The following TMEM71 variants were observed in gnomAD, a reference collection of about 807,000 sequenced individuals.
TMEM71 encodes transmembrane protein 71.
In TMEM71, 44 loss-of-function variants were observed where a neutral mutation model predicts 38.0. The ratio of observed to expected loss-of-function variants is 1.16; its 90% confidence interval spans 0.91 to 1.49. The LOEUF (loss-of-function observed/expected upper bound fraction) is 1.49, where lower values mean the gene tolerates loss of function less well. Among genes scored for constraint, TMEM71 ranks in the 40% most tolerant of loss-of-function variants. The pLI is 0.00. For synonymous variants in TMEM71, 133 were observed against 122.5 expected (o/e 1.09, Z -0.56); for missense variants, 367 against 348.6 (o/e 1.05, Z -0.42).
At chr8:132,746,452 C>CATATACAT (rs1563753785) in intron 5 of TMEM71, among the ~76,000 whole-genome samples, 1 of 17,924 alleles carries the variant, frequency 5.6e-5, no homozygotes, top group Non-Finnish European at 1.5e-4. Context: ...TATACATATA[C>CATATACAT]ATATATATAT....
intron 4 of TMEM71, 48 bp downstream of exon 4, chr8:132,751,737 A>C: frequency 6.6e-7 from 1 of 1,519,304 alleles, no homozygotes; most frequent in Non-Finnish European, 9.1e-7. Flanking sequence ...TAAACAATTA[A>C]TGGATGGATT....
intron 9 of TMEM71, among the ~76,000 whole-genome samples, chr8:132,712,089 A>T (rs1431009747): frequency 6.6e-6 from 1 of 152,184 alleles, no homozygotes; most frequent in Non-Finnish European, 1.5e-5. Flanking sequence ...ATTAAATTTA[A>T]TGAATATGTA....
At chr8:132,727,679 C>A in intron 6 of TMEM71, 119 bp downstream of exon 6, 1 of 848,326 alleles carries the variant, frequency 1.2e-6, no homozygotes, top group Non-Finnish European at 1.8e-6. Flanking sequence ...CATGTCCTCC[C>A]TTCCTCGCAC....
rs1216072572 is a variant in TMEM71, at chr8:132,710,371, A to T, written c.*596T>A. 6.5e-6 allele frequency: 1 copy of T among 153,198 alleles called. No individual in the cohort carries two copies. The highest frequency in any genetic ancestry group is 1.5e-5 in the Non-Finnish European group (1 of 68,746). 9.5% of individuals were successfully genotyped at this position (153,198 alleles called of 1,614,324 possible). A position where few individuals can be genotyped will look rare whatever the true frequency, so the allele number is the denominator to read the frequency against. On this transcript the variant is annotated 3_prime_UTR_variant, in exon 10 of 10. Coordinates refer to ENST00000677595, the MANE Select transcript of TMEM71 (RefSeq NM_001382403.1). ...TGGTTCAAAAGAATATAACTTTCAG[A>T]AAATGCTTCTTTCCTGTCCATTTTC...
At chr8:132,720,040 T>A (rs1826754936) in intron 7 of TMEM71, among the ~76,000 whole-genome samples, 1 of 152,180 alleles carries the variant, frequency 6.6e-6, no homozygotes, top group Non-Finnish European at 1.5e-5. Flanking sequence ...CCTTAATTTT[T>A]TTTTTCTGCT....
intron 2 of TMEM71, chr8:132,758,293 T>C (rs945925938): frequency 6.5e-6 from 1 of 153,268 alleles, no homozygotes; most frequent in African/African-American, 2.4e-5. Context: ...TCAATAGTCC[T>C]AACAGACAAG....
At position 132,738,159 on chromosome 8, in the gene TMEM71, T is replaced by TA. The variant is rs397798789; in HGVS notation, c.487+8782dup. 5.3e-5 allele frequency among the ~76,000 whole-genome samples: 8 copies of TA among 151,832 alleles called. No homozygotes were observed. The East Asian group carries it at 7.7e-4, about 15-fold the overall frequency. ...CTCCCCATTCTATATGCTATTTTTT[T>TA]ATTTTATATATAAGAAGTAGAGGAT... is the stretch of plus-strand genomic sequence containing the variant. On this transcript the variant is annotated intron_variant, in intron 5 of 9. Coordinates refer to ENST00000677595, the MANE Select transcript of TMEM71 (RefSeq NM_001382403.1).
chr8:132,732,190 A>G (rs1157964086), intron 5 of TMEM71, among the ~76,000 whole-genome samples: 1 of 152,198 alleles, frequency 6.6e-6, no homozygotes, highest in Non-Finnish European at 1.5e-5. Context: ...CAAAGGCTGG[A>G]ACAAGTTATC....
the TMEM71 span, among the ~76,000 whole-genome samples, chr8:132,767,082 G>A: frequency 6.6e-6 from 1 of 152,176 alleles, no homozygotes; most frequent in African/African-American, 2.4e-5. Flanking sequence ...CAAAAGCCTT[G>A]TACCCTGTGA....
At chr8:132,769,932 A>T in the TMEM71 span, among the ~76,000 whole-genome samples, 1 of 152,248 alleles carries the variant, frequency 6.6e-6, no homozygotes, top group Non-Finnish European at 1.5e-5. Flanking sequence ...ATATTTCAGG[A>T]TGCCACTAAA....
the TMEM71 span, among the ~76,000 whole-genome samples, chr8:132,773,139 A>G: frequency 1.3e-5 from 2 of 152,184 alleles, no homozygotes. Flanking sequence ...ACCTGGGGCA[A>G]TTCTTCAAGG....
intron 5 of TMEM71, among the ~76,000 whole-genome samples, chr8:132,746,420 TATATATAC>T (rs1433270230): frequency 5.6e-5 from 1 of 17,862 alleles, no homozygotes; most frequent in Non-Finnish European, 1.7e-4. Context: ...TACACACACA[TATATATAC>T]ATATATATAT....
chr8:132,757,340 A>C (rs1211740765), intron 2 of TMEM71, 46 bp from the exon 3 acceptor site: 3 of 1,403,740 alleles, frequency 2.1e-6, no homozygotes, highest in Non-Finnish European at 3.0e-6. Context: ...ATACCTGATC[A>C]ACAGTTACAT....
At chr8:132,750,234 C>A (rs1481166705) in intron 4 of TMEM71, among the ~76,000 whole-genome samples, 1 of 152,068 alleles carries the variant, frequency 6.6e-6, no homozygotes, top group Non-Finnish European at 1.5e-5. Context: ...ATGTGAGAAA[C>A]ATTTTGAAAG....
chr8:132,756,869 G>T (rs1178285456), intron 3 of TMEM71, among the ~76,000 whole-genome samples: 2 of 151,784 alleles, frequency 1.3e-5, no homozygotes, highest in Admixed American at 6.6e-5. Flanking sequence ...GGTTACAGGG[G>T]TGAGCCACCA....
chr8:132,741,255 C>T (rs980118210), intron 5 of TMEM71, among the ~76,000 whole-genome samples: 6 of 152,076 alleles, frequency 3.9e-5, no homozygotes, highest in African/African-American at 1.4e-4. Flanking sequence ...CCCAGCTACT[C>T]GGGAGGCTGA....
intron 5 of TMEM71, among the ~76,000 whole-genome samples, chr8:132,742,902 C>T (rs1834436): frequency 0.31 from 46,825 of 151,966 alleles, 7,436 homozygotes; most frequent in Non-Finnish European, 0.33. Flanking sequence ...ACAGTCATGG[C>T]GGAAGGCAAG....
intron 6 of TMEM71, among the ~76,000 whole-genome samples, chr8:132,724,222 A>G (rs1028204576): frequency 6.6e-6 from 1 of 152,152 alleles, no homozygotes; most frequent in Non-Finnish European, 1.5e-5. Flanking sequence ...GAGAGCAGAG[A>G]ACCGGTCTGA....
chr8:132,722,191 A>T, intron 6 of TMEM71, 76 bp from the exon 7 acceptor site: 1 of 1,183,742 alleles, frequency 8.4e-7, no homozygotes. Context: ...AATCATCTCA[A>T]ACTTCCCTTG....
Sources: gnomAD v4.1 joint callset for allele counts (sites outside exome capture counted in the v4.1 genomes callset) on GRCh38, gnomAD v4.1.1 for gene constraint, MANE v1.5 for transcripts, NCBI Gene and HGNC (gene_info 2026-07-23, HGNC 2026-07-21) for gene names.